Variants in MACROD2 observed in about 807,000 individuals in gnomAD.
The protein encoded by MACROD2 is mono-ADP ribosylhydrolase 2, also known as ADP-ribose glycohydrolase MACROD2.
A neutral mutation model predicts 70.4 loss-of-function variants in MACROD2; 36 were observed. That is an observed-to-expected ratio of 0.51 (90% CI 0.39 to 0.68). The LOEUF (loss-of-function observed/expected upper bound fraction) is 0.68. Among genes scored for constraint, MACROD2 ranks in the 30% least tolerant of loss-of-function variants. The pLI is 0.00. For synonymous variants in MACROD2, 172 were observed against 178.8 expected (o/e 0.96, Z 0.30); for missense variants, 496 against 538.4 (o/e 0.92, Z 0.78).
intron 3 of MACROD2, among the ~76,000 whole-genome samples, chr20:14,258,537 A>G (rs2082076288): frequency 6.6e-6 from 1 of 152,026 alleles, no homozygotes; most frequent in Non-Finnish European, 1.5e-5. Context: ...GTCTATTCAT[A>G]TCATTTGCCC....
At chr20:14,372,981 C>A (rs1288336935) in intron 3 of MACROD2, among the ~76,000 whole-genome samples, 1 of 152,110 alleles carries the variant, frequency 6.6e-6, no homozygotes, top group Non-Finnish European at 1.5e-5. Context: ...TTTATAGTGA[C>A]CCACACTTAG....
intron 4 of MACROD2, among the ~76,000 whole-genome samples, chr20:14,644,747 A>T (rs1190268618): frequency 6.6e-6 from 1 of 152,124 alleles, no homozygotes; most frequent in Non-Finnish European, 1.5e-5. Flanking sequence ...CCTTGCCTGA[A>T]CTCTGGCTAC....
intron 5 of MACROD2, among the ~76,000 whole-genome samples, chr20:15,112,060 C>T (rs866752601): frequency 4.6e-5 from 7 of 152,180 alleles, no homozygotes; most frequent in African/African-American, 1.7e-4. Flanking sequence ...AAATACCACC[C>T]CTCTATTGTT....
intron 6 of MACROD2, among the ~76,000 whole-genome samples, chr20:15,404,334 T>C (rs1399226129): frequency 6.6e-6 from 1 of 152,240 alleles, no homozygotes; most frequent in Non-Finnish European, 1.5e-5. Flanking sequence ...TAAGGGAATC[T>C]TATTGGCACA....
intron 12 of MACROD2, among the ~76,000 whole-genome samples, chr20:15,938,542 AT>A (rs2065701863): frequency 6.6e-6 from 1 of 152,112 alleles, no homozygotes; most frequent in Admixed American, 6.6e-5. Flanking sequence ...TAGTGGACTT[AT>A]TTAGTAAATG....
At chr20:15,744,937 CAT>C (rs749787867) in intron 8 of MACROD2, among the ~76,000 whole-genome samples, 1 of 152,006 alleles carries the variant, frequency 6.6e-6, no homozygotes, top group African/African-American at 2.4e-5. Flanking sequence ...TTGAAGTGTA[CAT>C]TTTTTTATGT....
At chr20:14,637,711 T>A (rs1984857805) in intron 4 of MACROD2, among the ~76,000 whole-genome samples, 1 of 152,226 alleles carries the variant, frequency 6.6e-6, no homozygotes, top group African/African-American at 2.4e-5. Flanking sequence ...CATTTTTAAA[T>A]GTTGCTCAAA....
chr20:15,684,285 G>A (rs1001058489), intron 8 of MACROD2, among the ~76,000 whole-genome samples: 5 of 152,168 alleles, frequency 3.3e-5, no homozygotes, highest in Admixed American at 2.6e-4. Flanking sequence ...GGGATCAGCC[G>A]GGTCTAGAGA....
intron 2 of MACROD2, among the ~76,000 whole-genome samples, chr20:14,018,354 G>A (rs1164583817): frequency 6.6e-6 from 1 of 151,546 alleles, no homozygotes; most frequent in Non-Finnish European, 1.5e-5. Flanking sequence ...TTCCTTAGGT[G>A]TAAAGTTACG....
chr20:15,510,875 C>T lies in MACROD2; in HGVS notation c.645+11028C>T, dbSNP rs1001588755. Among the ~76,000 whole-genome samples, 8 of 152,204 alleles carry T rather than the reference C, an allele frequency of 5.3e-5. No homozygotes were observed. The South Asian group carries it at 1.2e-3, about 24-fold the overall frequency. On this transcript the variant is annotated intron_variant, in intron 8 of 17. Coordinates refer to ENST00000684519, the MANE Select transcript of MACROD2 (RefSeq NM_001351661.2). ...CTACATTTCTATTTATGAACCCCTTCGAAGTCCATGACAGAAAGCCCCAAC... is the reference window on the plus strand; with the variant it reads ...CTACATTTCTATTTATGAACCCCTTTGAAGTCCATGACAGAAAGCCCCAAC...
At chr20:14,948,904 C>T (rs568325704) in intron 5 of MACROD2, among the ~76,000 whole-genome samples, 29 of 152,250 alleles carry the variant, frequency 1.9e-4, no homozygotes, top group African/African-American at 6.7e-4. Flanking sequence ...GCCTGCAAAA[C>T]AGGTTGACAT....
chr20:15,065,843 A>G (rs2075570084), intron 5 of MACROD2, among the ~76,000 whole-genome samples: 1 of 152,178 alleles, frequency 6.6e-6, no homozygotes, highest in South Asian at 2.1e-4. Context: ...AGAAAGTTTT[A>G]AGTAATACTT....
chr20:14,583,374 T>C (rs1254939812), intron 4 of MACROD2, among the ~76,000 whole-genome samples: 1 of 152,168 alleles, frequency 6.6e-6, no homozygotes, highest in Non-Finnish European at 1.5e-5. Flanking sequence ...ATCATTTAGG[T>C]GGGCAACCCT....
chr20:14,058,249 G>T (rs2053652557), intron 2 of MACROD2, among the ~76,000 whole-genome samples: 1 of 151,976 alleles, frequency 6.6e-6, no homozygotes, highest in Non-Finnish European at 1.5e-5. Context: ...AAAAAATACT[G>T]CTTTAGTGTG....
rs113029092 is a variant in MACROD2, at chr20:14,497,734, G to T, written c.301+4226G>T. Among the ~76,000 whole-genome samples, 359 of 151,708 alleles carry T rather than the reference G, an allele frequency of 2.4e-3. 8 individuals carry two copies. The highest frequency in any genetic ancestry group is 8.4e-3 in the African/African-American group (343 of 41,056). Reference sequence around the variant, plus strand: ...CTTTTGTACACATAGCTTTATGACTGCCATTTTAATCATATATACATACAC... The same window carrying T: ...CTTTTGTACACATAGCTTTATGACTTCCATTTTAATCATATATACATACAC... On this transcript the variant is annotated intron_variant, in intron 4 of 17. Transcript: ENST00000684519.
chr20:15,147,471 A>G (rs1197253172), intron 5 of MACROD2, among the ~76,000 whole-genome samples: 1 of 151,374 alleles, frequency 6.6e-6, no homozygotes, highest in Non-Finnish European at 1.5e-5. Context: ...TTGTGTAATT[A>G]TAAGCAAATA....
chr20:15,025,643 G>T (rs2075224786), intron 5 of MACROD2, among the ~76,000 whole-genome samples: 1 of 152,128 alleles, frequency 6.6e-6, no homozygotes, highest in Non-Finnish European at 1.5e-5. Flanking sequence ...GATCTGTACA[G>T]TAGGGTTTCT....
chr20:15,916,497 A>G (rs2065318319), intron 10 of MACROD2, among the ~76,000 whole-genome samples: 1 of 152,192 alleles, frequency 6.6e-6, no homozygotes, highest in African/African-American at 2.4e-5. Flanking sequence ...GAAGGGAGGA[A>G]TCTCTATGAA....
chr20:15,090,040 T>C (rs2075781530), intron 5 of MACROD2, among the ~76,000 whole-genome samples: 1 of 152,130 alleles, frequency 6.6e-6, no homozygotes, highest in Non-Finnish European at 1.5e-5. Context: ...CAGTGTGTGC[T>C]GAGATGTTTG....
Sources: allele counts gnomAD v4.1 joint callset (sites outside exome capture counted in the v4.1 genomes callset), GRCh38; gene constraint gnomAD v4.1.1; transcripts MANE v1.5; gene names NCBI Gene and HGNC (gene_info 2026-07-23, HGNC 2026-07-21).